ZNF251: variants seen among roughly 807,000 people sequenced by gnomAD.
ZNF251 encodes the protein zinc finger protein 251.
A neutral mutation model predicts 13.5 loss-of-function variants in ZNF251; 14 were observed. The ratio of observed to expected loss-of-function variants is 1.04; its 90% CI spans 0.69 to 1.63. ZNF251 has a LOEUF of 1.63. Ranked by LOEUF, ZNF251 falls within the 40% of genes most tolerant of loss-of-function variation. ZNF251 has a pLI of 0.00. For synonymous variants in ZNF251, 287 were observed against 295.2 expected (o/e 0.97, Z 0.28); for missense variants, 764 against 834.9 (o/e 0.92, Z 1.05).
intron 1 of ZNF251, 151 bp downstream of exon 1, chr8:144,755,254 G>A: frequency 8.5e-7 from 1 of 1,182,538 alleles, no homozygotes; most frequent in Non-Finnish European, 1.1e-6. Context: ...CGCCGCGGTC[G>A]CCTCCTCCCG....
Position 144,721,927 on chromosome 8 carries a change from G to C in ZNF251, c.1733C>G (p.Thr578Ser). 6.6e-7 allele frequency: 1 copy of C among 1,515,222 alleles called. No individual in the cohort carries two copies. Among genetic ancestry groups the C allele is most frequent in the Non-Finnish European group, 8.8e-7 (1 of 1,131,402 alleles). 93.9% of individuals were successfully genotyped at this position (1,515,222 alleles called of 1,614,324 possible). Residue 578 changes from threonine to serine, a missense_variant, in exon 5 of 5, where the codon ACC becomes AGC. Transcript: ENST00000292562. ...TATCTGATCTTCAGTGGGTCGTGAG[G>C]TGGGACTGAAAGCTTTTCCATATTC... ...CNEYGKAFSP[T>S]SRPTEDQIMH...
chr8:144,728,097 C>T (rs1406533235), intron 4 of ZNF251, among the ~76,000 whole-genome samples: 1 of 152,154 alleles, frequency 6.6e-6, no homozygotes, highest in Non-Finnish European at 1.5e-5. Context: ...TGCAATAAAG[C>T]GAGAGGTGTG....
Position 144,749,465 on chromosome 8 carries a change from G to T in ZNF251, c.277+4218C>A, listed in dbSNP as rs571029503. Among the ~76,000 whole-genome samples the T allele has an allele frequency of 2.3e-3, 354 of 152,176 alleles. 3 individuals carry two copies. The highest frequency in any genetic ancestry group is 7.9e-3 in the African/African-American group (328 of 41,512). The stretch of plus-strand genomic sequence containing the variant: ...TGTGCCACTGCACTCCACCCTGGGG[G>T]ACAGAGTGAGACTGTCTCAAAAAAA... On this transcript the variant is annotated intron_variant, in intron 4 of 4. Transcript: ENST00000292562.
chr8:144,721,485 G>A lies in ZNF251; in HGVS notation c.*159C>T, dbSNP rs1023005479. The stretch of plus-strand genomic sequence containing the variant: ...GCCTGATTTCCCAGAATGAATTCTC[G>A]TGTTTACTTCCAGATTTAATGACTT... On this transcript the variant is annotated 3_prime_UTR_variant, in exon 5 of 5. Coordinates refer to ENST00000292562, the MANE Select transcript of ZNF251 (RefSeq NM_138367.2). 18 of 722,644 alleles carry A rather than the reference G, an allele frequency of 2.5e-5. No homozygotes were observed. The highest frequency in any genetic ancestry group is 8.7e-4 in the Middle Eastern group (2 of 2,296). 44.8% of individuals were successfully genotyped at this position (722,644 alleles called of 1,614,324 possible).
At chr8:144,743,625 T>G (rs1269950884) in intron 4 of ZNF251, among the ~76,000 whole-genome samples, 1 of 152,254 alleles carries the variant, frequency 6.6e-6, no homozygotes, top group Non-Finnish European at 1.5e-5. Flanking sequence ...TGTTTAGTTT[T>G]GTAAGACTGT....
At chr8:144,737,174 G>A (rs1823935244) in intron 4 of ZNF251, among the ~76,000 whole-genome samples, 1 of 151,880 alleles carries the variant, frequency 6.6e-6, no homozygotes, top group Non-Finnish European at 1.5e-5. Flanking sequence ...CTCAGCTCAT[G>A]GCAGTCTTGA....
intron 4 of ZNF251, among the ~76,000 whole-genome samples, chr8:144,728,289 G>C (rs1383070947): frequency 6.6e-6 from 1 of 152,050 alleles, no homozygotes; most frequent in Non-Finnish European, 1.5e-5. Flanking sequence ...TCTCATACAG[G>C]CAGAGTTCAT....
chr8:144,739,845 A>G (rs1352519290), intron 4 of ZNF251, among the ~76,000 whole-genome samples: 1 of 151,914 alleles, frequency 6.6e-6, no homozygotes, highest in African/African-American at 2.4e-5. Context: ...CAGCGAGCCA[A>G]GATGGCACCA....
intron 4 of ZNF251, among the ~76,000 whole-genome samples, chr8:144,737,635 A>G (rs907258596): frequency 1.4e-4 from 22 of 152,066 alleles, no homozygotes; most frequent in Admixed American, 8.5e-4. Context: ...GATCGAGACC[A>G]TCCTGGCTAA....
chr8:144,754,546 G>A (rs140602051), intron 2 of ZNF251, 150 bp downstream of exon 2: 36 of 1,450,620 alleles, frequency 2.5e-5, no homozygotes, highest in South Asian at 1.0e-4. Context: ...GCAGGAGGGC[G>A]AGTCTACCTC....
chr8:144,753,194 G>A (rs1824776733), intron 4 of ZNF251, among the ~76,000 whole-genome samples: 1 of 145,800 alleles, frequency 6.9e-6, no homozygotes, highest in Non-Finnish European at 1.5e-5. Context: ...AGGATTGCCT[G>A]AGCCTGGTAC....
chr8:144,724,194 A>G lies in ZNF251; in HGVS notation c.278-812T>C, dbSNP rs546332705. Among the ~76,000 whole-genome samples the G allele has an allele frequency of 8.2e-5, 12 of 146,024 alleles. No individual in the cohort carries two copies. The South Asian group carries it at 1.7e-3, about 20-fold the overall frequency. ...AGGAGGCGGAGCGAACCCGGGAGGC[A>G]GAGCTTGCAGTGAGCTGAGATCGCG... On this transcript the variant is annotated intron_variant, in intron 4 of 4. Transcript: ENST00000292562.
intron 4 of ZNF251, among the ~76,000 whole-genome samples, chr8:144,735,381 CAAAA>C (rs145271344): frequency 4.2e-5 from 4 of 94,596 alleles, no homozygotes; most frequent in Non-Finnish European, 4.2e-5. Flanking sequence ...GACTCCGTCT[CAAAA>C]AAAAAAAAAA....
chr8:144,732,674 T>A (rs1006208718), intron 4 of ZNF251, among the ~76,000 whole-genome samples: 5 of 151,880 alleles, frequency 3.3e-5, no homozygotes, highest in Non-Finnish European at 7.4e-5. Context: ...TAGCTGGGTG[T>A]GGTGGCAGGC....
chr8:144,754,652 G>A (rs1824869599), intron 2 of ZNF251, 44 bp downstream of exon 2: 3 of 1,581,916 alleles, frequency 1.9e-6, no homozygotes, highest in African/African-American at 1.3e-5. Context: ...TGACTGGGAT[G>A]GGGATGAAGA....
chr8:144,736,454 A>ATTTT (rs1393245037), intron 4 of ZNF251, among the ~76,000 whole-genome samples: 66 of 143,818 alleles, frequency 4.6e-4, no homozygotes, highest in South Asian at 6.6e-4. Context: ...ACCTTCCTTT[A>ATTTT]TTTTATTTAT....
At chr8:144,728,774 C>T (rs2979102) in intron 4 of ZNF251, among the ~76,000 whole-genome samples, 2 of 151,468 alleles carry the variant, frequency 1.3e-5, no homozygotes, top group African/African-American at 4.9e-5. Context: ...AACACAAGGT[C>T]GTCACAAACC....
In ZNF251 at chr8:144,734,492, C is replaced by T. The variant is rs144339840; in HGVS notation, c.278-11110G>A. Among the ~76,000 whole-genome samples, 461 of 152,328 alleles carry T rather than the reference C, an allele frequency of 3.0e-3. 2 individuals carry two copies. Among genetic ancestry groups the T allele is most frequent in the Non-Finnish European group, 4.3e-3 (293 of 68,028 alleles). ...GAGATGAGTGTAAGGCTCACAGCAA[C>T]GGCATGAACTCTACTTGGTGCCGCT... On this transcript the variant is annotated intron_variant, in intron 4 of 4. Transcript: ENST00000292562. The surrounding 1 kb of genome is among the most constrained non-coding windows in gnomAD (Gnocchi z 4.4).
Position 144,754,680 on chromosome 8 carries a change from A to T in ZNF251, c.33+16T>A. The T allele has an allele frequency of 6.2e-7, 1 of 1,604,194 alleles. No homozygotes were observed. Among genetic ancestry groups the T allele is most frequent in the Non-Finnish European group, 8.5e-7 (1 of 1,175,286 alleles). On this transcript the variant is annotated intron_variant, in intron 2 of 4. Transcript: ENST00000292562. ...GATGAAGATGAAGAGGTGGGCAGGAAGGAGGGTTAACTCACCTGGTGCCCT... is the reference window on the plus strand; with the variant it reads ...GATGAAGATGAAGAGGTGGGCAGGATGGAGGGTTAACTCACCTGGTGCCCT...
Sources: allele counts gnomAD v4.1 joint callset (sites outside exome capture counted in the v4.1 genomes callset), GRCh38; gene constraint gnomAD v4.1.1; non-coding constraint Gnocchi (gnomAD v3.1); transcripts MANE v1.5; gene names NCBI Gene and HGNC (gene_info 2026-07-23, HGNC 2026-07-21).